Variants in CNTNAP2 observed in about 807,000 individuals in gnomAD.
CNTNAP2 encodes the protein contactin-associated protein-like 2.
A neutral mutation model predicts 155.2 loss-of-function variants in CNTNAP2; 98 were observed. The ratio of observed to expected loss-of-function variants is 0.63; its 90% CI spans 0.54 to 0.75. CNTNAP2 has a LOEUF of 0.75. Among genes scored for constraint, CNTNAP2 ranks in the 30% least tolerant of loss-of-function variants. The pLI is 0.00. For missense variants in CNTNAP2, 1,727 were observed against 1,688.1 expected (o/e 1.02, Z -0.40); for synonymous variants, 651 against 631.2 (o/e 1.03, Z -0.47).
intron 21 of CNTNAP2, among the ~76,000 whole-genome samples, chr7:148,289,327 G>A (rs10277233): frequency 0.54 from 82,737 of 151,898 alleles, 23,453 homozygotes; most frequent in East Asian, 0.78. Context: ...TCAGGAGCAG[G>A]AAGAGTGTGC....
intron 10 of CNTNAP2, among the ~76,000 whole-genome samples, chr7:147,417,202 A>G (rs1288694659): frequency 6.6e-6 from 1 of 152,186 alleles, no homozygotes; most frequent in Non-Finnish European, 1.5e-5. Context: ...GAATATTATA[A>G]CTCATTGTTT....
intron 3 of CNTNAP2, among the ~76,000 whole-genome samples, chr7:146,841,132 C>G (rs1051301841): frequency 2.0e-4 from 30 of 152,182 alleles, no homozygotes; most frequent in African/African-American, 7.2e-4. Context: ...GTCCCAACCC[C>G]AGAGACTTGA....
chr7:147,063,343 T>A (rs1356608245), intron 4 of CNTNAP2, among the ~76,000 whole-genome samples: 1 of 149,064 alleles, frequency 6.7e-6, no homozygotes, highest in Non-Finnish European at 1.5e-5. Flanking sequence ...CTATCCTATA[T>A]ATGAAATGAC....
intron 1 of CNTNAP2, among the ~76,000 whole-genome samples, chr7:146,240,350 G>A (rs1799540289): frequency 1.3e-5 from 2 of 151,942 alleles, no homozygotes; most frequent in African/African-American, 4.8e-5. Flanking sequence ...TGAACTATAA[G>A]TCATATATGA....
intron 9 of CNTNAP2, among the ~76,000 whole-genome samples, chr7:147,326,072 G>A (rs951360424): frequency 9.9e-5 from 15 of 152,100 alleles, no homozygotes; most frequent in East Asian, 3.9e-4. Flanking sequence ...ACAAGCGCAC[G>A]CCACCACACC....
chr7:146,794,435 T>C (rs940501892), intron 2 of CNTNAP2, among the ~76,000 whole-genome samples: 1 of 152,196 alleles, frequency 6.6e-6, no homozygotes, highest in Non-Finnish European at 1.5e-5. Context: ...AAGGATAATA[T>C]ACCTCATTAA....
chr7:147,343,237 G>A (rs1340339369), intron 9 of CNTNAP2, among the ~76,000 whole-genome samples: 2 of 151,982 alleles, frequency 1.3e-5, no homozygotes, highest in African/African-American at 4.8e-5. Context: ...ACAGGTTACC[G>A]TGTTTTTTTC....
intron 21 of CNTNAP2, among the ~76,000 whole-genome samples, chr7:148,364,084 G>A (rs1798681547): frequency 6.6e-6 from 1 of 152,212 alleles, no homozygotes; most frequent in African/African-American, 2.4e-5. Flanking sequence ...CCATGCCTGA[G>A]CCTCCCACCC....
intron 1 of CNTNAP2, among the ~76,000 whole-genome samples, chr7:146,373,700 A>G (rs1795268452): frequency 6.6e-6 from 1 of 152,124 alleles, no homozygotes; most frequent in Admixed American, 6.6e-5. Context: ...TATAACAGAG[A>G]AAATATTCCC....
chr7:146,375,082 C>T (rs2129103535), intron 1 of CNTNAP2, among the ~76,000 whole-genome samples: 1 of 152,250 alleles, frequency 6.6e-6, no homozygotes, highest in Non-Finnish European at 1.5e-5. Flanking sequence ...ATTTTTAAAA[C>T]TTCACTTGTG....
At chr7:148,351,733 ACT>A (rs1299491667) in intron 21 of CNTNAP2, among the ~76,000 whole-genome samples, 3 of 133,526 alleles carry the variant, frequency 2.2e-5, no homozygotes, top group African/African-American at 6.0e-5. Flanking sequence ...ACAGAGTGAG[ACT>A]CTGTCTCACA....
chr7:146,563,682 T>C (rs1798314859), intron 1 of CNTNAP2, among the ~76,000 whole-genome samples: 1 of 152,120 alleles, frequency 6.6e-6, no homozygotes, highest in Non-Finnish European at 1.5e-5. Context: ...GCTAGCATCA[T>C]GAGAACAGGC....
chr7:147,603,629 G>A (rs1801001637), intron 12 of CNTNAP2, among the ~76,000 whole-genome samples: 2 of 152,114 alleles, frequency 1.3e-5, no homozygotes, highest in South Asian at 4.1e-4. Context: ...TCAATATCGT[G>A]AAAATGGCCA....
chr7:147,000,897 T>G (rs1355017635), intron 3 of CNTNAP2, among the ~76,000 whole-genome samples: 1 of 152,116 alleles, frequency 6.6e-6, no homozygotes. Flanking sequence ...GAGTCATTCT[T>G]GCAGGGCCTG....
intron 1 of CNTNAP2, among the ~76,000 whole-genome samples, chr7:146,527,046 C>T (rs867474785): frequency 2.0e-5 from 3 of 151,918 alleles, no homozygotes; most frequent in Non-Finnish European, 4.4e-5. Flanking sequence ...CCCTGCCTAG[C>T]CATGATATGA....
chr7:146,233,278 G>C (rs1275394195), intron 1 of CNTNAP2, among the ~76,000 whole-genome samples: 1 of 152,094 alleles, frequency 6.6e-6, no homozygotes, highest in African/African-American at 2.4e-5. Flanking sequence ...TTAATTCTCA[G>C]AAGGTAACTT....
intron 9 of CNTNAP2, among the ~76,000 whole-genome samples, chr7:147,325,755 A>G (rs567238871): frequency 6.6e-6 from 1 of 152,352 alleles, no homozygotes; most frequent in South Asian, 2.1e-4. Context: ...CATTTTAACT[A>G]TATTTAAGTG....
intron 13 of CNTNAP2, among the ~76,000 whole-genome samples, chr7:147,643,887 T>C: frequency 6.6e-6 from 1 of 152,198 alleles, no homozygotes; most frequent in East Asian, 1.9e-4. Flanking sequence ...AGCTAGTAAA[T>C]GTAAAATTAC....
chr7:146,129,919 A>G (rs1182513749), intron 1 of CNTNAP2, among the ~76,000 whole-genome samples: 1 of 152,164 alleles, frequency 6.6e-6, no homozygotes, highest in Non-Finnish European at 1.5e-5. Context: ...TCTTTCTGTT[A>G]TAACATTTTA....
Sources: allele counts gnomAD v4.1 joint callset (sites outside exome capture counted in the v4.1 genomes callset), GRCh38; gene constraint gnomAD v4.1.1; transcripts MANE v1.5; gene names NCBI Gene and HGNC (gene_info 2026-07-23, HGNC 2026-07-21).